SLC41A3: variants seen among roughly 807,000 people sequenced by gnomAD.
SLC41A3 encodes the protein solute carrier family 41 member 3.
A neutral mutation model predicts 45.4 loss-of-function variants in SLC41A3; 44 were observed. The observed-to-expected ratio is 0.97, with a 90% CI of 0.76 to 1.25. The LOEUF is 1.25. Among genes scored for constraint, SLC41A3 ranks in the 50% most tolerant of loss-of-function variants. The pLI is 0.00. For missense variants in SLC41A3, 550 were observed against 600.6 expected, an observed-to-expected ratio of 0.92 and a Z score of 0.88; for synonymous variants, 256 against 252.4, an observed-to-expected ratio of 1.01 and a Z score of -0.13.
intron 3 of SLC41A3, among the ~76,000 whole-genome samples, chr3:126,041,245 T>C (rs1284161496): frequency 6.8e-6 from 1 of 148,088 alleles, no homozygotes; most frequent in Non-Finnish European, 1.5e-5. Context: ...GAAACTACAA[T>C]ATGTACCCAA....
chr3:126,063,173 C>T (rs1276698009), intron 2 of SLC41A3, among the ~76,000 whole-genome samples: 1 of 152,198 alleles, frequency 6.6e-6, no homozygotes, highest in African/African-American at 2.4e-5. Context: ...AAGCTCAGTA[C>T]AGCTACTGAG....
rs1452481387 is a variant in SLC41A3, at chr3:126,008,765, A to C, written c.1221T>G (p.Phe407Leu). The change falls in exon 10 of 11, where the codon TTT (phenylalanine) becomes TTG (leucine). Residue 407 changes from phenylalanine to leucine, a missense_variant. Coordinates refer to ENST00000360370, the MANE Select transcript of SLC41A3 (RefSeq NM_017836.4). ...EGQSVINSQTFVVLYLLAGLI... is the reference protein window; with the variant it reads ...EGQSVINSQTLVVLYLLAGLI... ...GGCCTGCCAGCAGGTAGAGCACCAC[A>C]AAGGTCTGGCTGTTTATGACTGACT... The C allele has an allele frequency of 6.2e-7, 1 of 1,613,998 alleles. No individual in the cohort carries two copies. The highest frequency in any genetic ancestry group is 8.5e-7 in the Non-Finnish European group (1 of 1,179,982).
chr3:126,057,258 C>T (rs1943730989), intron 2 of SLC41A3: 4 of 702,868 alleles, frequency 5.7e-6, no homozygotes, highest in Non-Finnish European at 7.0e-6. Flanking sequence ...AAACGCAGGC[C>T]TGTTCTCCCT....
intron 9 of SLC41A3, among the ~76,000 whole-genome samples, chr3:126,009,383 C>A (rs1202658904): frequency 6.6e-6 from 1 of 152,172 alleles, no homozygotes; most frequent in Non-Finnish European, 1.5e-5. Context: ...GGACCTCGGG[C>A]AGCCCCTTCT....
At chr3:126,034,360 A>G (rs938284257) in intron 3 of SLC41A3, among the ~76,000 whole-genome samples, 3 of 152,262 alleles carry the variant, frequency 2.0e-5, no homozygotes, top group African/African-American at 7.2e-5. Context: ...ATAAATCAGA[A>G]AAGTTTTCAA....
chr3:126,023,029 G>A, intron 5 of SLC41A3, 97 bp from the exon 6 acceptor site: 1 of 1,493,836 alleles, frequency 6.7e-7, no homozygotes, highest in Middle Eastern at 1.8e-4. Context: ...GCACTGAGTA[G>A]GGACTGGCAG....
Position 126,015,539 on chromosome 3 carries a change from T to C in SLC41A3, c.925A>G (p.Lys309Glu). Residue 309 changes from lysine to glutamate, a missense_variant, in exon 8 of 11, where the codon AAA becomes GAA. By Grantham distance (56) the Lys-to-Glu change is moderately conservative. Coordinates refer to ENST00000360370, the MANE Select transcript of SLC41A3 (RefSeq NM_017836.4). The stretch of plus-strand genomic sequence containing the variant: ...ATCGCCATGCCTTTGTACTGCTGTT[T>C]AGAAACGGTTTTGCTCAAGATGAGT... ...GGLILSKTVSKQQYKGMAIFT... is the reference protein window; with the variant it reads ...GGLILSKTVSEQQYKGMAIFT... The C allele has an allele frequency of 2.5e-6, 4 of 1,614,240 alleles. No individual in the cohort carries two copies. The highest frequency in any genetic ancestry group is 3.4e-6 in the Non-Finnish European group (4 of 1,180,036).
intron 4 of SLC41A3, among the ~76,000 whole-genome samples, 200 bp downstream of exon 4, chr3:126,033,407 C>T (rs1307521172): frequency 1.4e-5 from 2 of 147,532 alleles, no homozygotes; most frequent in Non-Finnish European, 3.0e-5. Flanking sequence ...GAGGGACAAC[C>T]CTGGGTCTGC....
intron 1 of SLC41A3, among the ~76,000 whole-genome samples, chr3:126,083,677 G>A (rs1559894646): frequency 6.6e-6 from 1 of 152,030 alleles, no homozygotes. Flanking sequence ...GCCCTGAGCA[G>A]GCCAGGAAGG....
chr3:126,085,075 C>G (rs1172230885), upstream of SLC41A3, among the ~76,000 whole-genome samples: 4 of 152,204 alleles, frequency 2.6e-5, no homozygotes, highest in African/African-American at 9.7e-5. Flanking sequence ...TCTTTAATCC[C>G]AGGTCTTTGG....
chr3:126,067,094 C>CGCG (rs149577703), intron 2 of SLC41A3, among the ~76,000 whole-genome samples: 34,349 of 126,164 alleles, frequency 0.27, 5,431 homozygotes, highest in Non-Finnish European at 0.3. Context: ...GGTTGGACCG[C>CGCG]CCCCCCGCCC....
chr3:126,073,752 A>G (rs1944743254), intron 1 of SLC41A3, among the ~76,000 whole-genome samples: 1 of 152,182 alleles, frequency 6.6e-6, no homozygotes, highest in Non-Finnish European at 1.5e-5. Flanking sequence ...GAAAAGCTTA[A>G]CACCAGATGG....
chr3:126,061,193 C>T (rs1368600018), intron 2 of SLC41A3, among the ~76,000 whole-genome samples: 2 of 152,200 alleles, frequency 1.3e-5, no homozygotes, highest in African/African-American at 4.8e-5. Flanking sequence ...TTCTTACAGG[C>T]ATGAATTCTT....
chr3:126,012,363 A>G (rs1041813618), intron 9 of SLC41A3, among the ~76,000 whole-genome samples: 1 of 152,180 alleles, frequency 6.6e-6, no homozygotes, highest in African/African-American at 2.4e-5. Context: ...TTCAAGGGCA[A>G]GAAATCAGCT....
At chr3:126,098,252 A>G (rs1041573062) in intron 1 of SLC41A3, among the ~76,000 whole-genome samples, 5 of 152,160 alleles carry the variant, frequency 3.3e-5, no homozygotes, top group African/African-American at 1.2e-4. Flanking sequence ...CTAATCCAGT[A>G]GGACTGGAGT....
chr3:126,079,814 T>C (rs536879246), intron 1 of SLC41A3, among the ~76,000 whole-genome samples: 1 of 152,158 alleles, frequency 6.6e-6, no homozygotes, highest in Admixed American at 6.5e-5. Context: ...TGAAGCATCA[T>C]AGTGACTTCA....
intron 1 of SLC41A3, among the ~76,000 whole-genome samples, chr3:126,080,534 T>C (rs1168729875): frequency 6.6e-6 from 1 of 152,170 alleles, no homozygotes; most frequent in East Asian, 1.9e-4. Flanking sequence ...TAAATGGCTT[T>C]TATAAAAAAG....
At chr3:126,016,326 T>C (rs1940277794) in intron 7 of SLC41A3, among the ~76,000 whole-genome samples, 1 of 152,064 alleles carries the variant, frequency 6.6e-6, no homozygotes, top group South Asian at 2.1e-4. Context: ...GGAGGACGAG[T>C]GAGTCAGCAG....
intron 1 of SLC41A3, among the ~76,000 whole-genome samples, chr3:126,099,701 TAAAG>T (rs1945671168): frequency 6.6e-6 from 1 of 152,124 alleles, no homozygotes; most frequent in African/African-American, 2.4e-5. Context: ...AATAAATAAA[TAAAG>T]AGGGTAGAAT....
Sources: allele counts gnomAD v4.1 joint callset (sites outside exome capture counted in the v4.1 genomes callset), GRCh38; gene constraint gnomAD v4.1.1; transcripts MANE v1.5; gene names NCBI Gene and HGNC (gene_info 2026-07-23, HGNC 2026-07-21).